KCNK17: variants seen among roughly 807,000 people sequenced by gnomAD.
The protein encoded by KCNK17 is potassium two pore domain channel subfamily K member 17.
Under a neutral mutation model 24.6 loss-of-function variants are expected in KCNK17, and 27 were observed. The ratio of observed to expected loss-of-function variants is 1.10; its 90% CI spans 0.81 to 1.51. The LOEUF (loss-of-function observed/expected upper bound fraction) is 1.51, where lower values mean the gene tolerates loss of function less well. Ranked by LOEUF, KCNK17 falls within the 40% of genes most tolerant of loss-of-function variation. The pLI is 0.00. For synonymous variants in KCNK17, 181 were observed against 189.8 expected (o/e 0.95, Z 0.38); for missense variants, 450 against 436.6 (o/e 1.03, Z -0.27).
At position 39,304,441 on chromosome 6, in the gene KCNK17, C is replaced by T. The variant is rs979246025; in HGVS notation, c.513+54G>A. The T allele has an allele frequency of 7.4e-6, 11 of 1,486,544 alleles. No individual in the cohort carries two copies. The African/African-American group carries it at 1.1e-4, about 15-fold the overall frequency. The allele number at this position is 1,486,544 out of a possible 1,614,324, so 92.1% of individuals were successfully genotyped here. A position where few individuals can be genotyped will look rare whatever the true frequency, so the allele number is the denominator to read the frequency against. On this transcript the variant is annotated intron_variant, in intron 3 of 4. Coordinates refer to ENST00000373231, the MANE Select transcript of KCNK17 (RefSeq NM_031460.4). ...TCATTAGTAACCCCAATTCCCACCA[C>T]AGCCCCTCATTCTAGAAGTGACCCA... is the stretch of plus-strand genomic sequence containing the variant.
Position 39,304,090 on chromosome 6 carries a change from G to A in KCNK17, c.555C>T (p.Leu185=). 1 of 1,611,886 alleles carries A rather than the reference G, an allele frequency of 6.2e-7. No individual in the cohort carries two copies. Among genetic ancestry groups the A allele is most frequent in the Non-Finnish European group, 8.5e-7 (1 of 1,179,966 alleles). ...KARWLAGSGA[L]LSGLLLFLLL... is the part of the protein sequence containing the mutation. ...GCAGGAAGAGCAGGAGGCCCGAGAG[G>A]AGGGCGCCAGAGCCCGCCAGCCACC... Residue 185 remains leucine, a synonymous_variant, in exon 4 of 5, where the codon CTC becomes CTT. Transcript: ENST00000373231.
Position 39,304,647 on chromosome 6 carries a change from T to G in KCNK17, c.361A>C (p.Asn121His). 1 of 1,610,922 alleles carries G rather than the reference T, an allele frequency of 6.2e-7. No homozygotes were observed. The highest frequency in any genetic ancestry group is 8.5e-7 in the Non-Finnish European group (1 of 1,177,362). ...VSTITTIGYG[N>H]LSPNTMAARL... ...GCAGCCATCGTGTTGGGGCTCAGGT[T>G]GCCATAGCCTGAGGTGAGAGGGGGC... Residue 121 changes from asparagine (N) to histidine (H), a missense_variant, in exon 3 of 5, where the codon AAC becomes CAC. Transcript: ENST00000373231.
intron 2 of KCNK17, among the ~76,000 whole-genome samples, chr6:39,308,679 G>C (rs1050836857): frequency 2.0e-5 from 3 of 152,206 alleles, no homozygotes; most frequent in Non-Finnish European, 4.4e-5. Flanking sequence ...TGATTTCTGG[G>C]CTCAGGCCTG....
chr6:39,301,049 T>C (rs1761944053), intron 4 of KCNK17, among the ~76,000 whole-genome samples: 1 of 152,196 alleles, frequency 6.6e-6, no homozygotes, highest in Non-Finnish European at 1.5e-5. Context: ...GAATGGTGCC[T>C]GGTACATAAC....
intron 4 of KCNK17, 150 bp downstream of exon 4, chr6:39,303,807 A>G (rs1158587279): frequency 1.0e-5 from 9 of 872,786 alleles, no homozygotes; most frequent in Non-Finnish European, 1.6e-5. Flanking sequence ...CCGTCACACA[A>G]CAAAAGCGGG....
chr6:39,314,359 C>G lies in KCNK17; in HGVS notation c.-39G>C, dbSNP rs1375640003. On this transcript the variant is annotated 5_prime_UTR_variant, in exon 1 of 5. Transcript: ENST00000373231. ...GGGAGCCGGCGCCGGGAGCGGTGGA[C>G]TAGGACCCGGTGGGAGGGAAGGGCC... 2 of 1,344,244 alleles carry G rather than the reference C, an allele frequency of 1.5e-6. No homozygotes were observed. Among genetic ancestry groups the G allele is most frequent in the Non-Finnish European group, 1.9e-6 (2 of 1,036,156 alleles). The allele number at this position is 1,344,244 out of a possible 1,614,324, so 83.3% of individuals were successfully genotyped here. A position where few individuals can be genotyped will look rare whatever the true frequency, so the allele number is the denominator to read the frequency against.
chr6:39,299,682 C>T lies in KCNK17; in HGVS notation c.744G>A (p.Trp248Ter), dbSNP rs867550982. ...PLWYKNMVSL[W>*]ILFGMAWLAL... Reference sequence around the variant, plus strand: ...CCAGCCATGCCATCCCAAAGAGGATCCACAGGGACACCATGTTCTTGTACC... The same window carrying T: ...CCAGCCATGCCATCCCAAAGAGGATTCACAGGGACACCATGTTCTTGTACC... Residue 248 changes from tryptophan to a stop codon, truncating the protein, a stop_gained, in exon 5 of 5, where the codon TGG becomes TGA. Transcript: ENST00000373231. LOFTEE classifies it low-confidence loss of function (END_TRUNC). The T allele has an allele frequency of 6.2e-7, 1 of 1,614,136 alleles. No individual in the cohort carries two copies. Among genetic ancestry groups the T allele is most frequent in the Non-Finnish European group, 8.5e-7 (1 of 1,180,034 alleles).
intron 2 of KCNK17, among the ~76,000 whole-genome samples, chr6:39,309,903 G>C (rs1373135321): frequency 6.6e-6 from 1 of 152,204 alleles, no homozygotes; most frequent in African/African-American, 2.4e-5. Context: ...TGCCTCCCAA[G>C]CATGCTTGTC....
intron 1 of KCNK17, among the ~76,000 whole-genome samples, 153 bp downstream of exon 1, chr6:39,313,931 A>G (rs941140395): frequency 1.3e-5 from 2 of 151,694 alleles, no homozygotes; most frequent in African/African-American, 2.4e-5. Context: ...AGGAACGCCC[A>G]CCCCCGTTGT....
chr6:39,303,423 C>A (rs1222545774), intron 4 of KCNK17, among the ~76,000 whole-genome samples: 4 of 152,234 alleles, frequency 2.6e-5, no homozygotes, highest in Non-Finnish European at 5.9e-5. Context: ...GGGCCCTTGT[C>A]TTGCCTAGGT....
At chr6:39,311,706 C>G (rs771134353) in intron 1 of KCNK17, among the ~76,000 whole-genome samples, 1 of 152,128 alleles carries the variant, frequency 6.6e-6, no homozygotes, top group Non-Finnish European at 1.5e-5. Flanking sequence ...GAAGGATGTT[C>G]ATTCTCATTT....
At chr6:39,313,678 C>T (rs928556524) in intron 1 of KCNK17, among the ~76,000 whole-genome samples, 1 of 152,170 alleles carries the variant, frequency 6.6e-6, no homozygotes, top group African/African-American at 2.4e-5. Flanking sequence ...CGGGTGCGAC[C>T]AACCCCCAAG....
At chr6:39,307,694 G>A (rs140463089) in intron 2 of KCNK17, among the ~76,000 whole-genome samples, 1 of 152,256 alleles carries the variant, frequency 6.6e-6, no homozygotes, top group African/African-American at 2.4e-5. Context: ...CCTGTTGAAC[G>A]CTGGGTAGCC....
rs117906020 is a variant in KCNK17, at chr6:39,306,521, C to G, written c.353-1866G>C. On this transcript the variant is annotated intron_variant, in intron 2 of 4. Coordinates refer to ENST00000373231, the MANE Select transcript of KCNK17 (RefSeq NM_031460.4). Reference sequence around the variant, plus strand: ...ATGCCTCTCATTTTGCCTCCTAGCACTGCCTAACATTCTTGCTTGCCCAGA... The same window carrying G: ...ATGCCTCTCATTTTGCCTCCTAGCAGTGCCTAACATTCTTGCTTGCCCAGA... Among the ~76,000 whole-genome samples, 206 of 152,320 alleles carry G rather than the reference C, an allele frequency of 1.4e-3. 7 individuals are homozygous for G. In the East Asian group the frequency reaches 0.034, roughly 25 times the overall value.
intron 1 of KCNK17, among the ~76,000 whole-genome samples, chr6:39,313,633 G>A (rs1350377176): frequency 3.3e-5 from 5 of 152,164 alleles, no homozygotes; most frequent in African/African-American, 7.2e-5. Flanking sequence ...CTCTGGAAGC[G>A]GCCAGGTGTG....
intron 2 of KCNK17, among the ~76,000 whole-genome samples, chr6:39,306,825 C>T (rs962066215): frequency 4.8e-5 from 7 of 147,152 alleles, no homozygotes; most frequent in Admixed American, 2.1e-4. Flanking sequence ...AGTGCAGTGG[C>T]GCGATCTCGG....
intron 2 of KCNK17, 53 bp from the exon 3 acceptor site, chr6:39,304,708 C>T (rs1366516365): frequency 2.5e-6 from 4 of 1,574,542 alleles, no homozygotes; most frequent in South Asian, 1.1e-5. Flanking sequence ...CCTGTCCACT[C>T]ACCACCACAG....
intron 4 of KCNK17, 61 bp from the exon 5 acceptor site, chr6:39,299,798 A>G: frequency 6.6e-7 from 1 of 1,517,108 alleles, no homozygotes; most frequent in South Asian, 1.2e-5. Context: ...CATTCCCCAA[A>G]CAGAAACAGA....
rs1319568292 is a variant in KCNK17, at chr6:39,304,145, A to C, written c.514-14T>G. 2 of 1,604,184 alleles carry C rather than the reference A, an allele frequency of 1.2e-6. No homozygotes were observed. The highest frequency in any genetic ancestry group is 1.7e-6 in the Non-Finnish European group (2 of 1,179,338). ...CTTGTCAGGATCCTGTGGGTGCAAC[A>C]TTGTCCCCAGGCCTCCTGAGGCCTT... On this transcript the variant is annotated splice_polypyrimidine_tract_variant and intron_variant, in intron 3 of 4. Transcript: ENST00000373231.
Sources: allele counts gnomAD v4.1 joint callset (sites outside exome capture counted in the v4.1 genomes callset), GRCh38; gene constraint gnomAD v4.1.1; transcripts MANE v1.5; gene names NCBI Gene and HGNC (gene_info 2026-07-23, HGNC 2026-07-21).